RIT2: variants seen among roughly 807,000 people sequenced by gnomAD.
RIT2 encodes the protein GTP-binding protein Rit2.
In RIT2, 24 loss-of-function variants were observed where a neutral mutation model predicts 23.7. The observed-to-expected ratio is 1.01, with a 90% CI of 0.73 to 1.43. RIT2 has a LOEUF of 1.43. Ranked by LOEUF, RIT2 falls within the 40% of genes most tolerant of loss-of-function variation. RIT2 has a pLI of 0.00. For synonymous variants in RIT2, 107 were observed against 91.1 expected (o/e 1.17, Z -0.99); for missense variants, 236 against 266.9 (o/e 0.88, Z 0.81).
chr18:43,053,589 G>T (rs1912433769), intron 1 of RIT2, among the ~76,000 whole-genome samples: 1 of 152,048 alleles, frequency 6.6e-6, no homozygotes, highest in African/African-American at 2.4e-5. Context: ...TGTCTGGAGA[G>T]CTGGGAGGAA....
At chr18:42,840,673 G>T (rs1047010325) in intron 4 of RIT2, among the ~76,000 whole-genome samples, 2 of 152,070 alleles carry the variant, frequency 1.3e-5, no homozygotes, top group Admixed American at 1.3e-4. Flanking sequence ...GGCTAATTTT[G>T]TATTTTTAAT....
chr18:42,760,778 G>T (rs528780926), intron 4 of RIT2, among the ~76,000 whole-genome samples: 2 of 152,182 alleles, frequency 1.3e-5, no homozygotes, highest in South Asian at 4.1e-4. Context: ...TAAATGCAGT[G>T]ATATAGGGAC....
At chr18:42,842,629 A>G (rs566833875) in intron 4 of RIT2, among the ~76,000 whole-genome samples, 1 of 152,240 alleles carries the variant, frequency 6.6e-6, no homozygotes, top group African/African-American at 2.4e-5. Flanking sequence ...ACTAAGATAA[A>G]GTTTATTACA....
At chr18:42,949,050 TG>T (rs1909789627) in intron 3 of RIT2, 1 of 397,606 alleles carries the variant, frequency 2.5e-6, no homozygotes, top group Non-Finnish European at 4.4e-6. Flanking sequence ...GTCACACAGC[TG>T]GGGAGAAATT....
rs560202244 is a variant in RIT2 at position 42,971,217 on chromosome 18, C to T, written c.234+2857G>A. ...ATTTCAATGGTGTTCTCTCCTGTTTCCTACAGGGAACATAAATTCTGTTAA... is the reference window on the plus strand; with the variant it reads ...ATTTCAATGGTGTTCTCTCCTGTTTTCTACAGGGAACATAAATTCTGTTAA... On this transcript the variant is annotated intron_variant, in intron 3 of 4. Transcript: ENST00000326695. Among the ~76,000 whole-genome samples, 63 of 152,090 alleles carry T rather than the reference C, an allele frequency of 4.1e-4. No homozygotes were observed. The South Asian group carries it at 0.01, about 25-fold the overall frequency.
In RIT2 at chr18:42,791,703, G is replaced by T. The variant is rs143538206; in HGVS notation, c.427-47983C>A. Among the ~76,000 whole-genome samples, 173 of 152,174 alleles carry T rather than the reference G, an allele frequency of 1.1e-3. 2 individuals are homozygous for T. The Middle Eastern group carries it at 0.024, about 21-fold the overall frequency. Reference sequence around the variant, plus strand: ...TCTTATTGTTTTAATCCATTTTTGTGGTAAACGTTTGCTGATTTCTGTTCT... The same window carrying T: ...TCTTATTGTTTTAATCCATTTTTGTTGTAAACGTTTGCTGATTTCTGTTCT... On this transcript the variant is annotated intron_variant, in intron 4 of 4. Coordinates refer to ENST00000326695, the MANE Select transcript of RIT2 (RefSeq NM_002930.4).
At chr18:42,825,831 G>T (rs1906279700) in intron 4 of RIT2, among the ~76,000 whole-genome samples, 1 of 152,050 alleles carries the variant, frequency 6.6e-6, no homozygotes, top group East Asian at 1.9e-4. Context: ...TTGAGCTTAA[G>T]TCTTCTGTGC....
intron 1 of RIT2, among the ~76,000 whole-genome samples, chr18:43,037,559 C>T (rs1912009530): frequency 6.6e-6 from 1 of 152,034 alleles, no homozygotes; most frequent in South Asian, 2.1e-4. Flanking sequence ...CATTCACATT[C>T]TTGTACTCAT....
At chr18:43,096,289 C>T (rs1913551163) in intron 1 of RIT2, among the ~76,000 whole-genome samples, 1 of 151,774 alleles carries the variant, frequency 6.6e-6, no homozygotes, top group South Asian at 2.1e-4. Context: ...TTTCTCTGGT[C>T]CAAATGGTAG....
chr18:43,046,168 T>C (rs766170057), intron 1 of RIT2, among the ~76,000 whole-genome samples: 7 of 152,148 alleles, frequency 4.6e-5, no homozygotes, highest in Non-Finnish European at 8.8e-5. Context: ...TCTTGTATTT[T>C]AGTCAATAAT....
chr18:43,092,494 T>C (rs1216788349), intron 1 of RIT2, among the ~76,000 whole-genome samples: 2 of 151,990 alleles, frequency 1.3e-5, no homozygotes, highest in Non-Finnish European at 1.5e-5. Context: ...CAGAATAGAT[T>C]CTCACTGAAT....
chr18:43,080,424 T>C (rs770806886), intron 1 of RIT2, among the ~76,000 whole-genome samples: 2 of 152,186 alleles, frequency 1.3e-5, no homozygotes, highest in African/African-American at 4.8e-5. Flanking sequence ...AATTTAACCA[T>C]TGGGTAGGGC....
intron 4 of RIT2, among the ~76,000 whole-genome samples, chr18:42,760,022 C>T (rs1055254666): frequency 1.3e-5 from 2 of 152,122 alleles, no homozygotes; most frequent in Non-Finnish European, 2.9e-5. Flanking sequence ...AGTGATCCAC[C>T]GGCCTTGGCC....
At chr18:42,843,347 A>G (rs1377125204) in intron 4 of RIT2, among the ~76,000 whole-genome samples, 1 of 152,210 alleles carries the variant, frequency 6.6e-6, no homozygotes, top group African/African-American at 2.4e-5. Context: ...GCCTCTAGGT[A>G]TCTCTTATAA....
intron 2 of RIT2, among the ~76,000 whole-genome samples, chr18:42,975,760 T>G (rs1456229755): frequency 2.0e-5 from 3 of 151,954 alleles, no homozygotes; most frequent in Non-Finnish European, 4.4e-5. Flanking sequence ...ATTCCCAAAC[T>G]CCCACCATGT....
chr18:43,079,545 G>C (rs1913105250), intron 1 of RIT2, among the ~76,000 whole-genome samples: 1 of 152,160 alleles, frequency 6.6e-6, no homozygotes, highest in Non-Finnish European at 1.5e-5. Flanking sequence ...TCATCGTTAA[G>C]TAGGGCTCTG....
chr18:43,067,312 A>G (rs1037647395), intron 1 of RIT2, among the ~76,000 whole-genome samples: 23 of 152,268 alleles, frequency 1.5e-4, no homozygotes, highest in Middle Eastern at 3.4e-3. Flanking sequence ...AAACTCTGTA[A>G]AATATTTGAA....
At chr18:42,997,086 A>T (rs779329607) in intron 2 of RIT2, among the ~76,000 whole-genome samples, 5 of 152,120 alleles carry the variant, frequency 3.3e-5, no homozygotes, top group Non-Finnish European at 7.4e-5. Flanking sequence ...TTTCAGAGAT[A>T]TGCACCAGAG....
rs569588294 is a variant in RIT2, at chr18:42,898,977, T to C, written c.426+24595A>G. 2.3e-3 allele frequency among the ~76,000 whole-genome samples: 346 copies of C among 152,266 alleles called. 1 individual carries two copies. The Middle Eastern group carries it at 0.034, about 15-fold the overall frequency. ...AATGATGCTCACTTTTATCACTTGG[T>C]TACAGTGTTGTCCTTTAAGAGTCTT... On this transcript the variant is annotated intron_variant, in intron 4 of 4. Coordinates refer to ENST00000326695, the MANE Select transcript of RIT2 (RefSeq NM_002930.4).
Sources: allele counts gnomAD v4.1 joint callset (sites outside exome capture counted in the v4.1 genomes callset), GRCh38; gene constraint gnomAD v4.1.1; transcripts MANE v1.5; gene names NCBI Gene and HGNC (gene_info 2026-07-23, HGNC 2026-07-21).